Variants in TMC1 observed in about 807,000 individuals in gnomAD.
TMC1 encodes the protein transmembrane channel-like protein 1.
A neutral mutation model predicts 105.8 loss-of-function variants in TMC1; 84 were observed. The observed-to-expected ratio is 0.79, with a 90% CI of 0.67 to 0.95. The LOEUF is 0.95. Ranked by LOEUF, TMC1 falls within the 40% of genes least tolerant of loss-of-function variation. TMC1 has a pLI of 0.00. For missense variants in TMC1, 817 were observed against 914.1 expected (o/e 0.89, Z 1.37); for synonymous variants, 315 against 311.5 (o/e 1.01, Z -0.12).
chr9:72,567,644 G>A (rs116977403), intron 1 of TMC1, among the ~76,000 whole-genome samples: 14 of 152,144 alleles, frequency 9.2e-5, no homozygotes, highest in South Asian at 6.2e-4. Context: ...AGAACAGCAC[G>A]GGGGAAACCG....
chr9:72,685,900 G>T (rs1826372751), intron 5 of TMC1, among the ~76,000 whole-genome samples: 1 of 152,096 alleles, frequency 6.6e-6, no homozygotes, highest in Non-Finnish European at 1.5e-5. Context: ...CAACTCTTCT[G>T]GCCACTTGGT....
At chr9:72,554,731 G>A (rs1009758621) in intron 1 of TMC1, among the ~76,000 whole-genome samples, 1 of 152,180 alleles carries the variant, frequency 6.6e-6, no homozygotes, top group Non-Finnish European at 1.5e-5. Context: ...AAGGGGGTTG[G>A]ATCGTGTGAT....
intron 11 of TMC1, among the ~76,000 whole-genome samples, chr9:72,753,873 G>A (rs778349852): frequency 1.3e-5 from 2 of 152,284 alleles, no homozygotes; most frequent in Admixed American, 6.5e-5. Flanking sequence ...ACTTTGGGGC[G>A]AGACAGTGTG....
chr9:72,770,467 G>A (rs1482682623), intron 12 of TMC1, among the ~76,000 whole-genome samples: 3 of 134,588 alleles, frequency 2.2e-5, no homozygotes, highest in Admixed American at 8.0e-5. Flanking sequence ...CACCTAGGCT[G>A]CAGTGCAATG....
chr9:72,750,890 T>C (rs1438795914), intron 10 of TMC1, among the ~76,000 whole-genome samples: 1 of 152,214 alleles, frequency 6.6e-6, no homozygotes, highest in Non-Finnish European at 1.5e-5. Flanking sequence ...CCCAAGCCCT[T>C]GCCCCTTAGG....
chr9:72,523,183 G>C (rs1823344548), intron 1 of TMC1, among the ~76,000 whole-genome samples: 2 of 152,020 alleles, frequency 1.3e-5, no homozygotes, highest in African/African-American at 4.8e-5. Flanking sequence ...GCAGGGAGGA[G>C]GAAAAATTAG....
At chr9:72,673,987 T>C (rs1438501919) in intron 5 of TMC1, among the ~76,000 whole-genome samples, 1 of 152,142 alleles carries the variant, frequency 6.6e-6, no homozygotes, top group East Asian at 1.9e-4. Flanking sequence ...CAGACCACTG[T>C]ATGCAAGAAG....
intron 2 of TMC1, among the ~76,000 whole-genome samples, chr9:72,597,662 C>T (rs1824741298): frequency 6.6e-6 from 1 of 152,194 alleles, no homozygotes; most frequent in Admixed American, 6.5e-5. Flanking sequence ...AAGGGGTCCC[C>T]CATGCCTTTG....
intron 2 of TMC1, among the ~76,000 whole-genome samples, chr9:72,614,132 G>A (rs1417931124): frequency 6.6e-6 from 1 of 152,132 alleles, no homozygotes; most frequent in Non-Finnish European, 1.5e-5. Flanking sequence ...TTTGACTAAT[G>A]TCCTTGTTCA....
chr9:72,684,555 A>T (rs1476009696), intron 5 of TMC1, among the ~76,000 whole-genome samples: 1 of 151,874 alleles, frequency 6.6e-6, no homozygotes, highest in Non-Finnish European at 1.5e-5. Flanking sequence ...TTGTTATCTC[A>T]TCTGGTCTTA....
intron 1 of TMC1, among the ~76,000 whole-genome samples, chr9:72,575,332 C>T (rs557712832): frequency 1.3e-5 from 2 of 152,174 alleles, no homozygotes; most frequent in Non-Finnish European, 2.9e-5. Flanking sequence ...AGGCACCCAC[C>T]ACCAAGCCCG....
chr9:72,604,143 A>C (rs1316409309), intron 2 of TMC1, among the ~76,000 whole-genome samples: 1 of 152,138 alleles, frequency 6.6e-6, no homozygotes, highest in Non-Finnish European at 1.5e-5. Flanking sequence ...TCACTTGGTG[A>C]TAAAATTTCC....
chr9:72,547,844 A>G (rs988363350), intron 1 of TMC1, among the ~76,000 whole-genome samples: 1 of 152,222 alleles, frequency 6.6e-6, no homozygotes, highest in Non-Finnish European at 1.5e-5. Context: ...CAGAATATCA[A>G]TAAACTGGAA....
Position 72,593,485 on chromosome 9 carries a change from C to T in TMC1, c.-306+15462C>T, listed in dbSNP as rs543487297. ...ATGATCTCAGCTCACCACAACCTCC[C>T]GGGTTCAAGAAATTCTCCTGCCTTG... is the stretch of plus-strand genomic sequence containing the variant. On this transcript the variant is annotated intron_variant, in intron 2 of 23. Coordinates refer to ENST00000297784, the MANE Select transcript of TMC1 (RefSeq NM_138691.3). Among the ~76,000 whole-genome samples, 10 of 152,020 alleles carry T rather than the reference C, an allele frequency of 6.6e-5. No individual in the cohort carries two copies. The South Asian group carries it at 1.0e-3, about 16-fold the overall frequency.
intron 8 of TMC1, among the ~76,000 whole-genome samples, chr9:72,716,274 C>G (rs1826917001): frequency 6.6e-6 from 1 of 152,222 alleles, no homozygotes; most frequent in African/African-American, 2.4e-5. Flanking sequence ...TGTCCCTTAT[C>G]AGAGCTGGAA....
At chr9:72,719,240 T>C (rs1826975161) in intron 8 of TMC1, among the ~76,000 whole-genome samples, 1 of 152,168 alleles carries the variant, frequency 6.6e-6, no homozygotes, top group Admixed American at 6.5e-5. Context: ...GTTACAGAGT[T>C]CAGCTGGAGG....
At chr9:72,687,005 T>C (rs938021061) in intron 5 of TMC1, among the ~76,000 whole-genome samples, 6 of 152,156 alleles carry the variant, frequency 3.9e-5, no homozygotes. Context: ...GGAAACTGAG[T>C]TGTTGCTTAT....
At chr9:72,762,791 C>T (rs1827776462) in intron 12 of TMC1, among the ~76,000 whole-genome samples, 1 of 152,192 alleles carries the variant, frequency 6.6e-6, no homozygotes, top group South Asian at 2.1e-4. Flanking sequence ...AACGCTGGGA[C>T]TGGCAGTATC....
At chr9:72,702,044 A>C (rs990551014) in intron 8 of TMC1, among the ~76,000 whole-genome samples, 1 of 152,186 alleles carries the variant, frequency 6.6e-6, no homozygotes, top group Non-Finnish European at 1.5e-5. Context: ...CGAAGTGATA[A>C]TGATGCTAAA....
Sources: allele counts gnomAD v4.1 joint callset (sites outside exome capture counted in the v4.1 genomes callset), GRCh38; gene constraint gnomAD v4.1.1; transcripts MANE v1.5; gene names NCBI Gene and HGNC (gene_info 2026-07-23, HGNC 2026-07-21).